Variants in SEC11A observed in about 807,000 individuals in gnomAD.
SEC11A encodes SEC11 homolog A, signal peptidase complex subunit.
In SEC11A, 14 loss-of-function variants were observed where a neutral mutation model predicts 25.6. The observed-to-expected ratio is 0.55, with a 90% CI of 0.36 to 0.85. SEC11A has a LOEUF of 0.85. SEC11A is among the 40% of genes least tolerant of loss of function. The pLI is 0.01. For synonymous variants in SEC11A, 83 were observed against 76.4 expected, an observed-to-expected ratio of 1.09 and a Z score of -0.45; for missense variants, 153 against 222.9, an observed-to-expected ratio of 0.69 and a Z score of 2.00.
At chr15:84,679,947 C>T (rs375354977) in intron 4 of SEC11A, 3 of 1,530,816 alleles carry the variant, frequency 2.0e-6, no homozygotes, top group Admixed American at 3.9e-5. Context: ...CTGTCCTCCA[C>T]TGAACTGTTC....
chr15:84,681,396 A>G (rs776005269), intron 3 of SEC11A, among the ~76,000 whole-genome samples: 142 of 152,276 alleles, frequency 9.3e-4, no homozygotes, highest in Admixed American at 1.7e-3. Context: ...TTGGGAGGCC[A>G]AGGTGGGCGG....
intron 2 of SEC11A, 64 bp downstream of exon 2, chr15:84,691,471 A>G (rs1024367883): frequency 1.1e-6 from 1 of 885,164 alleles, no homozygotes; most frequent in African/African-American, 1.7e-5. Flanking sequence ...CAGTTATTTC[A>G]TATCTCAATT....
intron 1 of SEC11A, among the ~76,000 whole-genome samples, chr15:84,711,897 T>C (rs1157060812): frequency 6.6e-6 from 1 of 151,964 alleles, no homozygotes; most frequent in African/African-American, 2.4e-5. Context: ...TCTAGGGTGG[T>C]ACCCAGAGAC....
At chr15:84,716,003 A>G (rs1185414448) in intron 1 of SEC11A, 22 bp downstream of exon 1, 10 of 1,612,412 alleles carry the variant, frequency 6.2e-6, no homozygotes, top group Non-Finnish European at 7.6e-6. Flanking sequence ...AGCCAGGAGA[A>G]AAAGAGGACG....
intron 4 of SEC11A, chr15:84,679,164 T>C: frequency 1.7e-6 from 1 of 582,196 alleles, no homozygotes; most frequent in Non-Finnish European, 2.7e-6. Context: ...TACATGAATC[T>C]GTACATTTAT....
chr15:84,712,868 T>C (rs1334311665), intron 1 of SEC11A, among the ~76,000 whole-genome samples: 3 of 152,170 alleles, frequency 2.0e-5, no homozygotes, highest in Non-Finnish European at 4.4e-5. Context: ...GTAGGTGATA[T>C]ATACGTTCTA....
intron 3 of SEC11A, among the ~76,000 whole-genome samples, chr15:84,685,060 C>T (rs1202253735): frequency 1.3e-5 from 2 of 152,164 alleles, no homozygotes; most frequent in Non-Finnish European, 2.9e-5. Context: ...CACAGGCCTG[C>T]AAGTTGAAGG....
Position 84,669,766 on chromosome 15 carries a change from G to A in SEC11A, c.*253C>T. ...TTTTAATATAAAAAAATTCACTGAT[G>A]TACAAAAATTTGAAAGTGTGACAAT... On this transcript the variant is annotated 3_prime_UTR_variant, in exon 6 of 6. Transcript: ENST00000268220. 2.1e-6 allele frequency: 1 copy of A among 468,528 alleles called. No individual in the cohort carries two copies. The highest frequency in any genetic ancestry group is 3.6e-5 in the East Asian group (1 of 27,920). The allele number at this position is 468,528 out of a possible 1,614,324, so 29.0% of individuals were successfully genotyped here. A position where few individuals can be genotyped will look rare whatever the true frequency, so the allele number is the denominator to read the frequency against.
At chr15:84,709,754 T>C (rs917097928) in intron 1 of SEC11A, among the ~76,000 whole-genome samples, 1 of 149,654 alleles carries the variant, frequency 6.7e-6, no homozygotes, top group African/African-American at 2.5e-5. Flanking sequence ...CTTCTGTTCA[T>C]TTTTTTGAGA....
intron 3 of SEC11A, among the ~76,000 whole-genome samples, chr15:84,684,112 G>T (rs1292163416): frequency 6.6e-6 from 1 of 152,164 alleles, no homozygotes. Flanking sequence ...GCAAAGCTAA[G>T]GATTAAGTCA....
At chr15:84,690,721 C>T (rs891595912) in intron 2 of SEC11A, among the ~76,000 whole-genome samples, 6 of 152,064 alleles carry the variant, frequency 3.9e-5, no homozygotes, top group African/African-American at 1.4e-4. Context: ...GGTATTAATG[C>T]CTTCAAAATT....
chr15:84,694,526 A>T (rs1897702579), intron 1 of SEC11A, among the ~76,000 whole-genome samples: 1 of 152,212 alleles, frequency 6.6e-6, no homozygotes, highest in African/African-American at 2.4e-5. Context: ...AATATGTAAA[A>T]AAAAGCAATA....
intron 4 of SEC11A, among the ~76,000 whole-genome samples, chr15:84,674,581 C>T (rs1288737275): frequency 6.6e-6 from 1 of 151,960 alleles, no homozygotes; most frequent in Non-Finnish European, 1.5e-5. Context: ...TTTTTTGATA[C>T]ATGATCTTAC....
chr15:84,677,672 A>G (rs1897174840), intron 4 of SEC11A, among the ~76,000 whole-genome samples: 1 of 151,878 alleles, frequency 6.6e-6, no homozygotes, highest in African/African-American at 2.4e-5. Context: ...ACGGAGTTTC[A>G]CTGTGTTAGC....
chr15:84,699,134 G>C (rs1897849424), intron 1 of SEC11A, among the ~76,000 whole-genome samples: 1 of 152,008 alleles, frequency 6.6e-6, no homozygotes, highest in African/African-American at 2.4e-5. Context: ...GGCCAACATG[G>C]CGAAACCCCA....
rs562667421 is a variant in SEC11A at position 84,680,601 on chromosome 15, G to T, written c.431+112C>A. The T allele has an allele frequency of 2.3e-5, 26 of 1,147,504 alleles. No individual in the cohort carries two copies. The Admixed American group carries it at 3.5e-4, about 16-fold the overall frequency. The allele number at this position is 1,147,504 out of a possible 1,614,324, so 71.1% of individuals were successfully genotyped here. A position where few individuals can be genotyped will look rare whatever the true frequency, so the allele number is the denominator to read the frequency against. Reference sequence around the variant, plus strand: ...TTTCAAAGGACACAAGGGTGATTTGGTGGAACCAGAACCAAATCTCTATAT... The same window carrying T: ...TTTCAAAGGACACAAGGGTGATTTGTTGGAACCAGAACCAAATCTCTATAT... On this transcript the variant is annotated intron_variant, in intron 4 of 5. Coordinates refer to ENST00000268220, the MANE Select transcript of SEC11A (RefSeq NM_014300.4).
At chr15:84,676,299 T>C (rs956808016) in intron 4 of SEC11A, among the ~76,000 whole-genome samples, 2 of 151,976 alleles carry the variant, frequency 1.3e-5, no homozygotes, top group Non-Finnish European at 2.9e-5. Context: ...ACTCCATCTC[T>C]ACTAAAAATA....
chr15:84,711,584 G>A (rs1371914857), intron 1 of SEC11A, among the ~76,000 whole-genome samples: 14 of 151,938 alleles, frequency 9.2e-5, no homozygotes. Flanking sequence ...TTAGCAGCCT[G>A]AGGCGATCAG....
chr15:84,670,508 G>C (rs969617827), intron 5 of SEC11A: 1 of 323,308 alleles, frequency 3.1e-6, no homozygotes, highest in African/African-American at 2.2e-5. Flanking sequence ...CAAAGTGCTG[G>C]GATTACAGGC....
Sources: allele counts gnomAD v4.1 joint callset (sites outside exome capture counted in the v4.1 genomes callset), GRCh38; gene constraint gnomAD v4.1.1; transcripts MANE v1.5; gene names NCBI Gene and HGNC (gene_info 2026-07-23, HGNC 2026-07-21).